The following C13orf42 variants were observed in gnomAD, a reference collection of about 807,000 sequenced individuals.
C13orf42 encodes uncharacterized protein C13orf42.
At chr13:51,095,703 G>A (rs183083022) in intron 1 of C13orf42, among the ~76,000 whole-genome samples, 1 of 151,588 alleles carries the variant, frequency 6.6e-6, no homozygotes, top group African/African-American at 2.4e-5. Context: ...CTTTTCATTT[G>A]GTTCTTTCTT....
intron 1 of C13orf42, among the ~76,000 whole-genome samples, chr13:51,105,486 A>T (rs1283479218): frequency 6.6e-6 from 1 of 152,238 alleles, no homozygotes; most frequent in Non-Finnish European, 1.5e-5. Flanking sequence ...ACCACATCAC[A>T]CAAGACTCCC....
In C13orf42 at chr13:51,111,073, C is replaced by T. The variant is rs1953426170; in HGVS notation, c.137G>A (p.Gly46Glu). The change falls in exon 1 of 4, where the codon GGG (glycine) becomes GAG (glutamate). Residue 46 changes from glycine (G) to glutamate (E), a missense_variant. Gly to Glu is a moderately conservative substitution (Grantham distance 98). Coordinates refer to ENST00000563710, the MANE Select transcript of C13orf42 (RefSeq NM_001351589.3). ...SSSMYVVGDH[G>E]EKFSESLKKY... ...CTTTAAGGACTCGCTGAATTTCTCC[C>T]CGTGGTCCCCGACCACATACATGGA... 1 of 398,566 alleles carries T rather than the reference C, an allele frequency of 2.5e-6. No homozygotes were observed. Among genetic ancestry groups the T allele is most frequent in the Non-Finnish European group, 4.4e-6 (1 of 226,118 alleles). The allele number at this position is 398,566 out of a possible 1,614,324, so 24.7% of individuals were successfully genotyped here.
At chr13:51,086,126 G>A (rs959621153) in intron 2 of C13orf42, among the ~76,000 whole-genome samples, 1 of 152,018 alleles carries the variant, frequency 6.6e-6, no homozygotes, top group African/African-American at 2.4e-5. Context: ...CTAACACGGT[G>A]AAACCCCGTC....
intron 1 of C13orf42, among the ~76,000 whole-genome samples, chr13:51,142,168 G>C (rs190524622): frequency 6.6e-6 from 1 of 152,124 alleles, no homozygotes; most frequent in African/African-American, 2.4e-5. Context: ...TCTAATCCTG[G>C]GACTTTAGGC....
intron 1 of C13orf42, among the ~76,000 whole-genome samples, chr13:51,143,301 G>A (rs910332883): frequency 5.3e-5 from 8 of 152,262 alleles, no homozygotes; most frequent in East Asian, 1.9e-4. Context: ...AGAGGTGGGC[G>A]CATAAGATTG....
intron 1 of C13orf42, among the ~76,000 whole-genome samples, chr13:51,130,864 T>C: frequency 7.2e-6 from 1 of 139,440 alleles, no homozygotes; most frequent in Admixed American, 6.9e-5. Flanking sequence ...AAAAAAAAAA[T>C]ATATATATAT....
chr13:51,100,193 T>C (rs1307159209), intron 1 of C13orf42, among the ~76,000 whole-genome samples: 1 of 151,834 alleles, frequency 6.6e-6, no homozygotes, highest in African/African-American at 2.4e-5. Context: ...AAAACGGAAC[T>C]ATTAAAAAAA....
chr13:51,102,229 T>G (rs911672140), intron 1 of C13orf42, among the ~76,000 whole-genome samples: 1 of 152,234 alleles, frequency 6.6e-6, no homozygotes, highest in Non-Finnish European at 1.5e-5. Context: ...TTAATATCAC[T>G]GTGTTTGCAG....
At chr13:51,157,105 A>G (rs906998867) in intron 1 of C13orf42, among the ~76,000 whole-genome samples, 1 of 152,200 alleles carries the variant, frequency 6.6e-6, no homozygotes, top group African/African-American at 2.4e-5. Context: ...GAACACTTCC[A>G]GCACCCCAGA....
chr13:51,131,337 A>T (rs12866404), intron 1 of C13orf42, among the ~76,000 whole-genome samples: 18,788 of 152,248 alleles, frequency 0.12, 1,274 homozygotes, highest in African/African-American at 0.16. Context: ...TATTTTTACC[A>T]AGGCTTTGAC....
intron 1 of C13orf42, among the ~76,000 whole-genome samples, chr13:51,100,891 T>C (rs1401441380): frequency 1.3e-5 from 2 of 152,184 alleles, no homozygotes; most frequent in Non-Finnish European, 2.9e-5. Context: ...CAATTGTTTG[T>C]AGAAGGTGAG....
rs549296886 is a variant in C13orf42, at chr13:51,122,153, C to T, written n.137-8931G>A. Among the ~76,000 whole-genome samples, 3 of 151,700 alleles carry T rather than the reference C, an allele frequency of 2.0e-5. No homozygotes were observed. In the East Asian group the frequency reaches 5.8e-4, roughly 29 times the overall value. On this transcript the variant is annotated intron_variant and non_coding_transcript_variant, in intron 1 of 4. Transcript: ENST00000433280. ...GTTGAAAATATACAAATAGTAAATA[C>T]GGTATAATGTAAATGCTGAAAATAT...
upstream of C13orf42, among the ~76,000 whole-genome samples, chr13:51,115,459 G>A (rs1380039837): frequency 2.0e-5 from 3 of 152,186 alleles, no homozygotes; most frequent in Non-Finnish European, 4.4e-5. Flanking sequence ...TCGTATCATG[G>A]TGTAACCGGG....
intron 2 of C13orf42, among the ~76,000 whole-genome samples, chr13:51,086,569 G>A (rs1043366153): frequency 3.3e-5 from 5 of 151,922 alleles, no homozygotes; most frequent in South Asian, 2.1e-4. Flanking sequence ...AAATGTTACC[G>A]GTGATGATTA....
In C13orf42 at chr13:51,165,871, T is replaced by C. The variant is rs1372268857; in HGVS notation, n.136+6382A>G. ...GATATAAAACTATATTTAAGGTATA[T>C]TTTTAATCGGCATAGCACTATGCAA... On this transcript the variant is annotated intron_variant and non_coding_transcript_variant, in intron 1 of 4. Coordinates refer to the C13orf42 transcript ENST00000433280. 3.3e-5 allele frequency among the ~76,000 whole-genome samples: 5 copies of C among 152,228 alleles called. No individual in the cohort carries two copies. In the East Asian group the frequency reaches 9.6e-4, roughly 29 times the overall value.
At chr13:51,121,494 A>G (rs1220561682) in intron 1 of C13orf42, among the ~76,000 whole-genome samples, 1 of 149,686 alleles carries the variant, frequency 6.7e-6, no homozygotes, top group Non-Finnish European at 1.5e-5. Context: ...ATTCACTTTG[A>G]TTTGGCTATT....
intron 1 of C13orf42, among the ~76,000 whole-genome samples, chr13:51,163,667 CG>C (rs1254918959): frequency 6.6e-6 from 1 of 152,132 alleles, no homozygotes; most frequent in African/African-American, 2.4e-5. Flanking sequence ...GCCAGGGGTT[CG>C]GATGTCCTTC....
In C13orf42 at chr13:51,124,847, C is replaced by G. The variant is rs138509902; in HGVS notation, n.137-11625G>C. The stretch of plus-strand genomic sequence containing the variant: ...GGTTTCACTCCCCCAGCTCTTGTTC[C>G]TTCATACAAACCCTAATTCTTAAAT... On this transcript the variant is annotated intron_variant and non_coding_transcript_variant, in intron 1 of 4. Coordinates refer to the C13orf42 transcript ENST00000433280. Among the ~76,000 whole-genome samples the G allele has an allele frequency of 2.3e-3, 347 of 152,322 alleles. 1 individual carries two copies. Among genetic ancestry groups the G allele is most frequent in the African/African-American group, 7.9e-3 (330 of 41,564 alleles).
chr13:51,114,204 G>T (rs1215419226), upstream of C13orf42, among the ~76,000 whole-genome samples: 1 of 152,188 alleles, frequency 6.6e-6, no homozygotes, highest in Non-Finnish European at 1.5e-5. Context: ...AGGCCAGGAT[G>T]AGAATGAGAG....
Sources: allele counts gnomAD v4.1 joint callset (sites outside exome capture counted in the v4.1 genomes callset), GRCh38; gene constraint gnomAD v4.1.1; transcripts MANE v1.5; gene names NCBI Gene and HGNC (gene_info 2026-07-23, HGNC 2026-07-21).